Variants in SIM1 observed in about 807,000 individuals in gnomAD.
SIM1 encodes the protein SIM bHLH transcription factor 1.
SIM1 carries 18 observed loss-of-function variants against 78.2 expected under a neutral mutation model. The ratio of observed to expected loss-of-function variants is 0.23; its 90% confidence interval spans 0.16 to 0.34. The LOEUF is 0.34. Among genes scored for constraint, SIM1 ranks in the 10% least tolerant of loss-of-function variants. The pLI, the probability that SIM1 is intolerant of heterozygous loss-of-function variation, is 1.00. For missense variants in SIM1, 939 were observed against 975.1 expected (o/e 0.96, Z 0.49); for synonymous variants, 417 against 385.2 (o/e 1.08, Z -0.97).
intron 10 of SIM1, among the ~76,000 whole-genome samples, chr6:100,408,812 T>A (rs1036891760): frequency 6.6e-6 from 1 of 152,108 alleles, no homozygotes; most frequent in East Asian, 1.9e-4. Context: ...TTTTGTTTGC[T>A]AGTAATTTGT....
chr6:100,440,175 A>G (rs1026112777), intron 9 of SIM1, among the ~76,000 whole-genome samples: 3 of 152,148 alleles, frequency 2.0e-5, no homozygotes, highest in African/African-American at 7.2e-5. Context: ...TTCTCTCTCT[A>G]TATTATATCA....
chr6:100,425,362 T>C (rs1272921618), intron 9 of SIM1, among the ~76,000 whole-genome samples: 1 of 152,202 alleles, frequency 6.6e-6, no homozygotes, highest in Non-Finnish European at 1.5e-5. Flanking sequence ...TTCTAAAATC[T>C]ATTGCAGTAT....
chr6:100,418,763 T>C (rs1301984937), intron 10 of SIM1, among the ~76,000 whole-genome samples: 1 of 152,176 alleles, frequency 6.6e-6, no homozygotes, highest in Non-Finnish European at 1.5e-5. Context: ...AGGAGAGAAC[T>C]ACCCATAGCC....
Position 100,453,664 on chromosome 6 carries a change from T to G in SIM1, c.258+98A>C, listed in dbSNP as rs549257052. ...TTTTGTGGGGGGGGTTGTTTGTTTT[T>G]TTTTTGTTTTTGTTTTCTGAGAAAC... On this transcript the variant is annotated intron_variant, in intron 3 of 11. Coordinates refer to ENST00000369208, the MANE Select transcript of SIM1 (RefSeq NM_005068.3). 403 of 936,124 alleles carry G rather than the reference T, an allele frequency of 4.3e-4. 3 individuals are homozygous for G. The South Asian group carries it at 6.3e-3, about 15-fold the overall frequency. 58.0% of individuals were successfully genotyped at this position (936,124 alleles called of 1,614,324 possible). A position where few individuals can be genotyped will look rare whatever the true frequency, so the allele number is the denominator to read the frequency against.
chr6:100,443,246 A>C (rs757101196), intron 9 of SIM1, among the ~76,000 whole-genome samples: 1 of 152,122 alleles, frequency 6.6e-6, no homozygotes, highest in Non-Finnish European at 1.5e-5. Context: ...ATAGAAAACT[A>C]CTTCCTCATA....
rs1562067228 is a variant in SIM1 at position 100,463,434 on chromosome 6, C to T, written c.35G>A (p.Arg12Lys). Residue 12 changes from arginine (R) to lysine (K), a missense_variant, in exon 2 of 12, where the codon AGG (arginine) becomes AAG (lysine). Transcript: ENST00000369208. ...KEKSKNAART[R>K]REKENSEFYE... is the part of the protein sequence containing the mutation. ...AAATTCACTGTTTTCCTTCTCCCTC[C>T]TAGTCCGCGCAGCATTTTTGGACTT... 18 of 1,612,180 alleles carry T rather than the reference C, an allele frequency of 1.1e-5. No homozygotes were observed. Among genetic ancestry groups the T allele is most frequent in the Non-Finnish European group, 1.4e-5 (16 of 1,178,384 alleles).
In SIM1 at chr6:100,393,835, C is replaced by T; in HGVS notation, c.1222G>A (p.Gly408Arg). 2 of 1,606,466 alleles carry T rather than the reference C, an allele frequency of 1.2e-6. No individual in the cohort carries two copies. The highest frequency in any genetic ancestry group is 1.7e-6 in the Non-Finnish European group (2 of 1,175,134). Reference sequence around the variant, plus strand: ...GAGGCCGTGTCGGTCAAGGGACTTCCGCCCCACTGGCTGTCATGATCAGAT... The same window carrying T: ...GAGGCCGTGTCGGTCAAGGGACTTCTGCCCCACTGGCTGTCATGATCAGAT... Reference protein sequence around the residue: ...SESDHDSQWGGSPLTDTASPQ... With the variant: ...SESDHDSQWGRSPLTDTASPQ... Residue 408 changes from glycine to arginine, a missense_variant, in exon 11 of 12, where the codon GGA (glycine) becomes AGA (arginine). By Grantham distance (125) the Gly-to-Arg change is moderately radical. This residue lies in a region of SIM1 where 556 missense variants were observed against 521.9 expected (regional missense o/e 1.07). Transcript: ENST00000369208.
chr6:100,412,218 AG>A (rs1159185662), intron 10 of SIM1, among the ~76,000 whole-genome samples: 2 of 152,060 alleles, frequency 1.3e-5, no homozygotes, highest in African/African-American at 4.8e-5. Context: ...GGGGGAAAGA[AG>A]ATCAAATGGG....
chr6:100,431,654 G>T (rs781359947), intron 9 of SIM1, among the ~76,000 whole-genome samples: 13 of 152,108 alleles, frequency 8.5e-5, no homozygotes, highest in Non-Finnish European at 1.6e-4. Flanking sequence ...TGAAGTCAGA[G>T]AACTTGTATA....
intron 10 of SIM1, among the ~76,000 whole-genome samples, chr6:100,412,612 G>GAAAGA (rs1771241277): frequency 3.5e-5 from 2 of 57,756 alleles, no homozygotes; most frequent in Non-Finnish European, 7.1e-5. Context: ...AGAAAGAAAG[G>GAAAGA]AAAGAAAGAA....
intron 9 of SIM1, among the ~76,000 whole-genome samples, chr6:100,429,527 G>A (rs571515841): frequency 2.0e-5 from 3 of 152,024 alleles, no homozygotes; most frequent in Admixed American, 2.0e-4. Flanking sequence ...TAAATATTTT[G>A]ACCCTAATGA....
At position 100,403,740 on chromosome 6, in the gene SIM1, GCTAA is replaced by G. The variant is rs575177703; in HGVS notation, c.1168-9855_1168-9852del. On this transcript the variant is annotated intron_variant, in intron 10 of 11. Transcript: ENST00000369208. ...GCAACTTACTATATGATTTGCTTAT[GCTAA>G]CTAATACCCATTACAACAATAGTTA... Among the ~76,000 whole-genome samples the G allele has an allele frequency of 1.4e-4, 21 of 152,310 alleles. No individual in the cohort carries two copies. In the South Asian group the frequency reaches 4.2e-3, roughly 30 times the overall value.
chr6:100,459,250 T>A (rs1388404288), intron 2 of SIM1, among the ~76,000 whole-genome samples: 1 of 152,178 alleles, frequency 6.6e-6, no homozygotes, highest in Non-Finnish European at 1.5e-5. Flanking sequence ...TAGTGATCCC[T>A]CCCATTAAAG....
chr6:100,453,956 A>C, intron 2 of SIM1, 112 bp from the exon 3 acceptor site: 4 of 653,346 alleles, frequency 6.1e-6, no homozygotes, highest in East Asian at 3.1e-5. Context: ...ACTGGATACC[A>C]TAGGGGATCC....
At chr6:100,411,610 T>C (rs1771193128) in intron 10 of SIM1, among the ~76,000 whole-genome samples, 1 of 152,198 alleles carries the variant, frequency 6.6e-6, no homozygotes, top group Non-Finnish European at 1.5e-5. Context: ...AATTTATTTA[T>C]TTATTCATTC....
Position 100,385,907 on chromosome 6 carries a change from C to G in SIM1, c.*4454G>C, listed in dbSNP as rs2114451797. On this transcript the variant is annotated 3_prime_UTR_variant, in exon 12 of 12. Coordinates refer to ENST00000369208, the MANE Select transcript of SIM1 (RefSeq NM_005068.3). ...ACCCTTACAAGAAATTAGCACCACA[C>G]AGAAATTTCCCCCAACAATATTTTC... is the stretch of plus-strand genomic sequence containing the variant. 1 of 152,062 alleles carries G rather than the reference C, an allele frequency of 6.6e-6. No individual in the cohort carries two copies. Among genetic ancestry groups the G allele is most frequent in the Non-Finnish European group, 1.5e-5 (1 of 67,906 alleles). The allele number at this position is 152,062 out of a possible 1,614,324, so 9.4% of individuals were successfully genotyped here. A position where few individuals can be genotyped will look rare whatever the true frequency, so the allele number is the denominator to read the frequency against.
rs1024003791 is a variant in SIM1 at position 100,453,837 on chromosome 6, G to T, written c.183C>A (p.Gly61=). ...TCCGACTTGAGTGGCCCCACGCCTC[G>T]CCGAGCCCTGTGGAGACACAGAAGC... ...KMRVVFPEGL[G]EAWGHSSRTS... The change falls in exon 3 of 12, where the codon GGC becomes GGA. Residue 61 remains glycine (G), a synonymous_variant. Transcript: ENST00000369208. 1.9e-6 allele frequency: 3 copies of T among 1,610,642 alleles called. No homozygotes were observed. The highest frequency in any genetic ancestry group is 2.5e-6 in the Non-Finnish European group (3 of 1,178,532).
chr6:100,391,119 G>T, intron 11 of SIM1, 28 bp from the exon 12 acceptor site: 1 of 1,545,950 alleles, frequency 6.5e-7, no homozygotes, highest in Non-Finnish European at 8.7e-7. Flanking sequence ...TCAAAAGTAA[G>T]TGATCTCAGA....
rs750572720 is a variant in SIM1, at chr6:100,390,924, T to C, written c.1738A>G (p.Asn580Asp). ...GGGGCTTTCCTTAGCTGTAATCTGT[T>C]CTCTTCTTCTTTAATCATTTGCTGA... ...ATQQMIKEEE[N>D]RLQLRKAPSD... The change falls in exon 12 of 12, where the codon AAC becomes GAC. Residue 580 changes from asparagine to aspartate, a missense_variant. Asn to Asp is a conservative substitution (Grantham distance 23). Transcript: ENST00000369208. 3.7e-6 allele frequency: 6 copies of C among 1,614,012 alleles called. No homozygotes were observed. The South Asian group carries it at 5.5e-5, about 15-fold the overall frequency.
Sources: allele counts gnomAD v4.1 joint callset (sites outside exome capture counted in the v4.1 genomes callset), GRCh38; gene constraint gnomAD v4.1.1; regional missense constraint gnomAD v4.1.1; transcripts MANE v1.5; gene names NCBI Gene and HGNC (gene_info 2026-07-23, HGNC 2026-07-21).